The following MCC variants were observed in gnomAD, a reference collection of about 807,000 sequenced individuals.
The protein encoded by MCC is MCC regulator of Wnt signaling pathway.
MCC carries 90 observed loss-of-function variants against 116.2 expected under a neutral mutation model. The ratio of observed to expected loss-of-function variants is 0.77; its 90% confidence interval spans 0.65 to 0.92. The LOEUF is 0.92. Among genes scored for constraint, MCC ranks in the 40% least tolerant of loss-of-function variants. MCC has a pLI of 0.00. For missense variants in MCC, 1,516 were observed against 1,312.2 expected, an observed-to-expected ratio of 1.16 and a Z score of -2.40; for synonymous variants, 578 against 510.5, an observed-to-expected ratio of 1.13 and a Z score of -1.78.
chr5:113,291,065 T>C (rs1766476070), intron 3 of MCC, among the ~76,000 whole-genome samples: 1 of 152,234 alleles, frequency 6.6e-6, no homozygotes, highest in African/African-American at 2.4e-5. Flanking sequence ...TGTTTGAATG[T>C]TCATAGAGGC....
intron 12 of MCC, among the ~76,000 whole-genome samples, chr5:113,069,740 C>A (rs1179822333): frequency 6.6e-6 from 1 of 152,170 alleles, no homozygotes; most frequent in South Asian, 2.1e-4. Flanking sequence ...CACCACCATG[C>A]CTGGCTAACT....
At chr5:113,462,540 G>A (rs1771771852) in intron 1 of MCC, among the ~76,000 whole-genome samples, 2 of 152,084 alleles carry the variant, frequency 1.3e-5, no homozygotes, top group African/African-American at 4.8e-5. Flanking sequence ...GAGTCCAGAT[G>A]GCATGCACAA....
In MCC at chr5:113,064,075, T is replaced by C. The variant is rs1273249816; in HGVS notation, c.2122A>G (p.Met708Val). The change falls in exon 14 of 19, where the codon ATG becomes GTG. Residue 708 changes from methionine to valine, a missense_variant. Physicochemically the swap from Met to Val is conservative, Grantham distance 21. Coordinates refer to ENST00000408903, the MANE Select transcript of MCC (RefSeq NM_001085377.2). ...CCCCCACAGCTGCCGTCCAGCTTCATGAGCAGGGCCTTGGCAGCGTTCTCA... is the reference window on the plus strand; with the variant it reads ...CCCCCACAGCTGCCGTCCAGCTTCACGAGCAGGGCCTTGGCAGCGTTCTCA... Reference protein sequence around the residue: ...TAENAAKALLMKLDGSCGGAF... With the variant: ...TAENAAKALLVKLDGSCGGAF... 1.9e-6 allele frequency: 3 copies of C among 1,614,122 alleles called. No individual in the cohort carries two copies. The highest frequency in any genetic ancestry group is 2.2e-5 in the East Asian group (1 of 44,902).
rs112490106 is a variant in MCC at position 113,291,671 on chromosome 5, T to C, written c.627+48848A>G. Among the ~76,000 whole-genome samples the C allele has an allele frequency of 2.0e-3, 302 of 152,272 alleles. 3 individuals carry two copies. Among genetic ancestry groups the C allele is most frequent in the African/African-American group, 6.5e-3 (269 of 41,556 alleles). ...GCACTAAAGGGGCCCTGAGGGGTTT[T>C]ATTAGCTCTGCTTCCAGGTGAGGAG... On this transcript the variant is annotated intron_variant, in intron 3 of 18. Transcript: ENST00000408903.
At chr5:113,167,781 C>T (rs529805566) in intron 3 of MCC, among the ~76,000 whole-genome samples, 32 of 152,186 alleles carry the variant, frequency 2.1e-4, no homozygotes, top group Admixed American at 7.9e-4. Context: ...CAGGTGTGTG[C>T]CACCATGCCC....
At chr5:113,399,261 G>A (rs549497430) in intron 1 of MCC, among the ~76,000 whole-genome samples, 5 of 152,280 alleles carry the variant, frequency 3.3e-5, no homozygotes, top group East Asian at 1.9e-4. Flanking sequence ...CGAGGCAGGC[G>A]GATCACGAGA....
At chr5:113,388,711 G>A (rs1769332261) in intron 1 of MCC, among the ~76,000 whole-genome samples, 5 of 152,214 alleles carry the variant, frequency 3.3e-5, no homozygotes. Flanking sequence ...TTGCAGAACA[G>A]TGAGCCAAAA....
chr5:113,172,338 G>T (rs1460320807), intron 3 of MCC, among the ~76,000 whole-genome samples: 2 of 152,162 alleles, frequency 1.3e-5, no homozygotes, highest in African/African-American at 4.8e-5. Flanking sequence ...AAATTTTGGA[G>T]GTTAGAACAA....
intron 3 of MCC, among the ~76,000 whole-genome samples, chr5:113,190,543 T>C (rs1007832018): frequency 3.3e-5 from 5 of 152,152 alleles, no homozygotes; most frequent in South Asian, 2.1e-4. Flanking sequence ...GGGGAAAACT[T>C]GTTCCTGAAT....
At chr5:113,168,822 G>T (rs1341371667) in intron 3 of MCC, among the ~76,000 whole-genome samples, 1 of 152,040 alleles carries the variant, frequency 6.6e-6, no homozygotes, top group Non-Finnish European at 1.5e-5. Context: ...AGTCCACAAG[G>T]CTAATTCTAT....
chr5:113,398,090 A>G (rs573672148), intron 1 of MCC, among the ~76,000 whole-genome samples: 2 of 152,338 alleles, frequency 1.3e-5, no homozygotes, highest in African/African-American at 2.4e-5. Context: ...AAAATGCTCA[A>G]CATCACTAAT....
At chr5:113,076,611 G>A (rs533230123) in intron 11 of MCC, among the ~76,000 whole-genome samples, 1 of 152,136 alleles carries the variant, frequency 6.6e-6, no homozygotes, top group Admixed American at 6.5e-5. Flanking sequence ...AACAAATGCT[G>A]AGAGATTTTG....
At chr5:113,234,263 C>T (rs1764050877) in intron 3 of MCC, among the ~76,000 whole-genome samples, 1 of 152,086 alleles carries the variant, frequency 6.6e-6, no homozygotes, top group African/African-American at 2.4e-5. Context: ...CCTTTAAATG[C>T]TCCATGGTCA....
rs1183060483 is a variant in MCC at position 113,101,805 on chromosome 5, T to C, written c.1332A>G (p.Glu444=). ...SLTAMLCSKE[E]ELNRTKATMN... ...TGGTGGCCTTAGTCCGGTTCAGTTC[T>C]TCCTCTTTGCTGCACAGCATGGCAG... The change falls in exon 8 of 19, where the codon GAA becomes GAG. Residue 444 remains glutamate (E), a synonymous_variant. Coordinates refer to ENST00000408903, the MANE Select transcript of MCC (RefSeq NM_001085377.2). 1 of 1,613,550 alleles carries C rather than the reference T, an allele frequency of 6.2e-7. No individual in the cohort carries two copies. The highest frequency in any genetic ancestry group is 2.2e-5 in the East Asian group (1 of 44,862).
chr5:113,411,598 T>G (rs1580344066), intron 1 of MCC, among the ~76,000 whole-genome samples: 1 of 151,988 alleles, frequency 6.6e-6, no homozygotes, highest in Non-Finnish European at 1.5e-5. Flanking sequence ...TCCAACCACC[T>G]ACAATGTCAC....
intron 3 of MCC, among the ~76,000 whole-genome samples, chr5:113,229,725 T>A (rs943831827): frequency 1.1e-4 from 16 of 152,216 alleles, no homozygotes; most frequent in African/African-American, 3.9e-4. Flanking sequence ...CTTTTCTATG[T>A]TTAGATATGC....
intron 3 of MCC, among the ~76,000 whole-genome samples, chr5:113,181,887 G>A (rs1034601244): frequency 6.6e-6 from 1 of 152,128 alleles, no homozygotes; most frequent in Non-Finnish European, 1.5e-5. Context: ...GGCCCAGGGG[G>A]GTTTTAACAG....
At chr5:113,255,903 T>C (rs917631454) in intron 3 of MCC, among the ~76,000 whole-genome samples, 6 of 152,202 alleles carry the variant, frequency 3.9e-5, no homozygotes, top group African/African-American at 1.2e-4. Flanking sequence ...TTTAGATCCA[T>C]CTGGTAGTAT....
intron 3 of MCC, among the ~76,000 whole-genome samples, chr5:113,257,638 A>C (rs1029874208): frequency 1.3e-5 from 2 of 152,214 alleles, no homozygotes; most frequent in Non-Finnish European, 2.9e-5. Context: ...AAGGCTGGCA[A>C]TAAATAAGCT....
Sources: gnomAD v4.1 joint callset for allele counts (sites outside exome capture counted in the v4.1 genomes callset) on GRCh38, gnomAD v4.1.1 for gene constraint, MANE v1.5 for transcripts, NCBI Gene and HGNC (gene_info 2026-07-23, HGNC 2026-07-21) for gene names.